PARP12: variants seen among roughly 807,000 people sequenced by gnomAD.
PARP12 encodes protein mono-ADP-ribosyltransferase PARP12.
PARP12 carries 59 observed loss-of-function variants against 72.4 expected under a neutral mutation model. That is an observed-to-expected ratio of 0.81 (90% CI 0.66 to 1.01). The LOEUF is 1.01. Among genes scored for constraint, PARP12 ranks in the 50% least tolerant of loss-of-function variants. The pLI, the probability that PARP12 is intolerant of heterozygous loss-of-function variation, is 0.00. For synonymous variants in PARP12, 403 were observed against 371.4 expected (o/e 1.09, Z -0.98); for missense variants, 851 against 914.0 (o/e 0.93, Z 0.89).
chr7:140,057,079 A>G lies in PARP12; in HGVS notation c.537T>C (p.His179=), dbSNP rs1477025647. Residue 179 remains histidine (H), a synonymous_variant, in exon 3 of 12, where the codon CAT becomes CAC. Transcript: ENST00000263549. ...CCCCCTGTAAAAAATACTGGCAGAT[A>G]TGGAGCTTGATGCACTGCTTTTGAA... ...CAFQKQCIKL[H]ICQYFLQGEC... 1 of 1,614,214 alleles carries G rather than the reference A, an allele frequency of 6.2e-7. No homozygotes were observed. The highest frequency in any genetic ancestry group is 2.2e-5 in the East Asian group (1 of 44,890).
chr7:140,030,942 G>C (rs1442618259), intron 8 of PARP12, among the ~76,000 whole-genome samples: 1 of 152,212 alleles, frequency 6.6e-6, no homozygotes, highest in Non-Finnish European at 1.5e-5. Context: ...TGGTAAAAAT[G>C]TGAGTAAATT....
At chr7:140,033,173 G>T (rs1438764393) in intron 8 of PARP12, 2 of 984,532 alleles carry the variant, frequency 2.0e-6, no homozygotes, top group African/African-American at 1.7e-5. Context: ...GATTACAGGT[G>T]TGAGTCACTG....
intron 5 of PARP12, 127 bp downstream of exon 5, chr7:140,046,757 T>TGTGTGTGTGA: frequency 1.2e-6 from 1 of 833,548 alleles, no homozygotes; most frequent in Non-Finnish European, 1.8e-6. Flanking sequence ...TGTGTGTGTG[T>TGTGTGTGTGA]CACACACAGA....
chr7:140,046,752 GTGTGTC>G, intron 5 of PARP12, 126 bp downstream of exon 5: 2 of 847,432 alleles, frequency 2.4e-6, no homozygotes, highest in South Asian at 1.7e-5. Context: ...GTGTGTGTGT[GTGTGTC>G]ACACACAGAA....
At chr7:140,036,017 GAGAAGGAGGAGA>G (rs1816175307) in intron 7 of PARP12, among the ~76,000 whole-genome samples, 7 of 57,372 alleles carry the variant, frequency 1.2e-4, no homozygotes, top group Admixed American at 2.2e-4. Flanking sequence ...GGAGAAGGAG[GAGAAGGAGGAGA>G]AGGAGGAGAA....
intron 8 of PARP12, chr7:140,033,322 T>C (rs895889930): frequency 1.0e-6 from 1 of 985,320 alleles, no homozygotes; most frequent in African/African-American, 1.7e-5. Context: ...ACCAAACTCA[T>C]TTAAAAACGA....
chr7:140,037,544 C>T (rs9640375), intron 7 of PARP12, among the ~76,000 whole-genome samples, 171 bp downstream of exon 7: 49,230 of 152,114 alleles, frequency 0.32, 9,654 homozygotes, highest in East Asian at 0.56. Context: ...TCCTCCACTG[C>T]ACAGGGCCAG....
intron 7 of PARP12, 50 bp downstream of exon 7, chr7:140,037,665 C>G: frequency 6.2e-7 from 1 of 1,603,222 alleles, no homozygotes; most frequent in Non-Finnish European, 8.5e-7. Flanking sequence ...GGTGTAGGGA[C>G]AGAGCCAACA....
chr7:140,058,567 G>A (rs1469117663), intron 1 of PARP12, among the ~76,000 whole-genome samples: 1 of 151,958 alleles, frequency 6.6e-6, no homozygotes, highest in East Asian at 1.9e-4. Flanking sequence ...AGGACATGGT[G>A]AGAAGGTGGC....
At chr7:140,039,308 AGAG>A (rs999941529) in intron 6 of PARP12, among the ~76,000 whole-genome samples, 6 of 152,332 alleles carry the variant, frequency 3.9e-5, no homozygotes, top group African/African-American at 1.2e-4. Context: ...AGGGAAACAG[AGAG>A]GAGAAGCAGC....
chr7:140,058,056 G>A (rs766822103), intron 1 of PARP12, 22 bp from the exon 2 acceptor site: 2 of 1,613,878 alleles, frequency 1.2e-6, no homozygotes, highest in Non-Finnish European at 1.7e-6. Context: ...CAGAGCTGGT[G>A]TTATATGTCG....
At chr7:140,026,485 T>C in intron 10 of PARP12, 137 bp from the exon 11 acceptor site, 1 of 1,078,876 alleles carries the variant, frequency 9.3e-7, no homozygotes, top group Admixed American at 4.1e-5. Context: ...CAGGCTACCC[T>C]GACTAGGCCT....
chr7:140,038,214 G>A (rs1198938619), intron 6 of PARP12: 1 of 985,424 alleles, frequency 1.0e-6, no homozygotes, highest in South Asian at 4.7e-5. Context: ...GCTTGACTGG[G>A]CAGCCCAAGC....
chr7:140,051,209 A>T (rs1386521152), intron 4 of PARP12, among the ~76,000 whole-genome samples: 1 of 152,220 alleles, frequency 6.6e-6, no homozygotes, highest in East Asian at 1.9e-4. Flanking sequence ...GAATTAAAAG[A>T]TAAAAAATAT....
At position 140,027,286 on chromosome 7, in the gene PARP12, C is replaced by T; in HGVS notation, c.1618G>A (p.Val540Ile). 1.2e-6 allele frequency: 2 copies of T among 1,613,800 alleles called. No homozygotes were observed. Among genetic ancestry groups the T allele is most frequent in the Middle Eastern group, 1.7e-4 (1 of 6,048 alleles). ...ERVQNLALWE[V>I]YQWQKGQMQK... The stretch of plus-strand genomic sequence containing the variant: ...CGAGCCCCAACGCACCACTGGTAGA[C>T]TTCCCAGAGGGCCAGGTTCTGTACT... The change falls in exon 10 of 12, where the codon GTC (valine) becomes ATC (isoleucine). Residue 540 changes from valine (V) to isoleucine (I), a missense_variant. This residue lies in a region of PARP12 where 347 missense variants were observed against 396.1 expected (regional missense o/e 0.88). Coordinates refer to ENST00000263549, the MANE Select transcript of PARP12 (RefSeq NM_022750.4).
rs573620686 is a variant in PARP12 at position 140,037,788 on chromosome 7, T to C, written c.1251A>G (p.Thr417=). ...TGGCTGCCTGGCCGTCAGACCCCGG[T>C]GTACAGTAGGCCAGGTAGGCCTTCT... ...DVEKAYLAYC[T]PGSDGQAATL... The change falls in exon 7 of 12, where the codon ACA becomes ACG. Residue 417 remains threonine (T), a synonymous_variant. Transcript: ENST00000263549. The C allele has an allele frequency of 3.7e-6, 6 of 1,614,178 alleles. No individual in the cohort carries two copies. The South Asian group carries it at 6.6e-5, about 18-fold the overall frequency.
chr7:140,046,410 G>A (rs1208318907), intron 5 of PARP12, among the ~76,000 whole-genome samples: 2 of 151,898 alleles, frequency 1.3e-5, no homozygotes, highest in African/African-American at 2.4e-5. Context: ...ACATGCTTGG[G>A]GAAAAAAAAA....
At chr7:140,061,722 T>C (rs917010876) in intron 1 of PARP12, among the ~76,000 whole-genome samples, 6 of 152,184 alleles carry the variant, frequency 3.9e-5, no homozygotes, top group Non-Finnish European at 8.8e-5. Flanking sequence ...CCACATGCTA[T>C]GCACAGAACA....
intron 4 of PARP12, among the ~76,000 whole-genome samples, chr7:140,053,017 A>C (rs1817026135): frequency 6.6e-6 from 1 of 152,198 alleles, no homozygotes; most frequent in Non-Finnish European, 1.5e-5. Flanking sequence ...ATAAAATATT[A>C]TTATCTATTT....
Sources: gnomAD v4.1 joint callset for allele counts (sites outside exome capture counted in the v4.1 genomes callset) on GRCh38, gnomAD v4.1.1 for gene constraint, gnomAD v4.1.1 regional missense constraint, MANE v1.5 for transcripts, NCBI Gene and HGNC (gene_info 2026-07-23, HGNC 2026-07-21) for gene names.